The following MAP3K5 variants were observed in gnomAD, a reference collection of about 807,000 sequenced individuals.
MAP3K5 encodes the protein ASK-1.
Under a neutral mutation model 158.7 loss-of-function variants are expected in MAP3K5, and 56 were observed. The observed-to-expected ratio is 0.35, with a 90% confidence interval of 0.28 to 0.44. The LOEUF is 0.44. Ranked by LOEUF, MAP3K5 falls within the 20% of genes least tolerant of loss-of-function variation. The pLI, the probability that MAP3K5 is intolerant of heterozygous loss-of-function variation, is 1.00. For missense variants in MAP3K5, 1,294 were observed against 1,674.8 expected, an observed-to-expected ratio of 0.77 and a Z score of 3.97; for synonymous variants, 579 against 601.7, an observed-to-expected ratio of 0.96 and a Z score of 0.55.
At chr6:136,587,622 C>T (rs1775196278) in intron 23 of MAP3K5, among the ~76,000 whole-genome samples, 1 of 152,140 alleles carries the variant, frequency 6.6e-6, no homozygotes, top group South Asian at 2.1e-4. Context: ...TGGGTCAGGA[C>T]CTGTTCTACC....
At chr6:136,643,869 T>C (rs138913608) in intron 11 of MAP3K5, among the ~76,000 whole-genome samples, 86 of 152,222 alleles carry the variant, frequency 5.6e-4, no homozygotes, top group African/African-American at 1.9e-3. Flanking sequence ...GAAAGTTGCT[T>C]CTAAATCCTG....
intron 7 of MAP3K5, among the ~76,000 whole-genome samples, chr6:136,675,459 T>C (rs965346921): frequency 6.6e-6 from 1 of 152,058 alleles, no homozygotes; most frequent in East Asian, 1.9e-4. Flanking sequence ...CTCACCATAA[T>C]ATAATTAAAC....
intron 1 of MAP3K5, among the ~76,000 whole-genome samples, chr6:136,780,578 T>C (rs1248006778): frequency 6.6e-6 from 1 of 152,234 alleles, no homozygotes; most frequent in Non-Finnish European, 1.5e-5. Flanking sequence ...CATTGTAATG[T>C]GGCGCTTCCT....
At chr6:136,598,361 C>T (rs1775723127) in intron 21 of MAP3K5, among the ~76,000 whole-genome samples, 1 of 152,230 alleles carries the variant, frequency 6.6e-6, no homozygotes, top group Non-Finnish European at 1.5e-5. Context: ...GTCACTGTCT[C>T]TCCCTTTTGA....
At chr6:136,562,354 AT>A (rs11322947) in intron 27 of MAP3K5, 148 bp downstream of exon 27, 13,464 of 348,980 alleles carry the variant, frequency 0.039, 10 homozygotes, top group Non-Finnish European at 0.047. Context: ...TAAAAACTGG[AT>A]TTTTTTTTTT....
chr6:136,753,536 T>C (rs1049687864), intron 1 of MAP3K5, among the ~76,000 whole-genome samples: 3 of 152,106 alleles, frequency 2.0e-5, no homozygotes, highest in Admixed American at 6.6e-5. Context: ...CAGAAAGCAT[T>C]TTGATAATCT....
chr6:136,707,507 A>C (rs571299927), intron 2 of MAP3K5, among the ~76,000 whole-genome samples: 1 of 151,776 alleles, frequency 6.6e-6, no homozygotes, highest in Non-Finnish European at 1.5e-5. Context: ...AGGGAGCTAA[A>C]GAAGACAGTT....
At chr6:136,637,789 C>T (rs147548158) in intron 13 of MAP3K5, among the ~76,000 whole-genome samples, 1,892 of 152,118 alleles carry the variant, frequency 0.012, 43 homozygotes, top group African/African-American at 0.043. Context: ...GACATAAAGC[C>T]GGGAAGCACT....
intron 9 of MAP3K5, among the ~76,000 whole-genome samples, chr6:136,658,468 T>A (rs1778863994): frequency 6.6e-6 from 1 of 151,694 alleles, no homozygotes; most frequent in South Asian, 2.1e-4. Context: ...GCACCCGCGA[T>A]CATGCCCAGC....
At chr6:136,789,019 T>TAAAACC (rs1444727719) in intron 1 of MAP3K5, among the ~76,000 whole-genome samples, 68 of 152,342 alleles carry the variant, frequency 4.5e-4, no homozygotes, top group African/African-American at 1.6e-3. Context: ...GATGGGAGGC[T>TAAAACC]GGGTGCGGTG....
chr6:136,686,583 T>C (rs1276798241), intron 7 of MAP3K5, among the ~76,000 whole-genome samples: 1 of 152,124 alleles, frequency 6.6e-6, no homozygotes, highest in Non-Finnish European at 1.5e-5. Context: ...AGTCTCAGGA[T>C]ACAAAATCAA....
At chr6:136,678,978 G>T (rs1278394569) in intron 7 of MAP3K5, among the ~76,000 whole-genome samples, 1 of 151,772 alleles carries the variant, frequency 6.6e-6, no homozygotes, top group Non-Finnish European at 1.5e-5. Context: ...CACATGCCTC[G>T]GCCTCCCGAA....
At chr6:136,744,497 C>T (rs1416945773) in intron 1 of MAP3K5, among the ~76,000 whole-genome samples, 1 of 152,088 alleles carries the variant, frequency 6.6e-6, no homozygotes, top group Non-Finnish European at 1.5e-5. Context: ...AAAGAACTCC[C>T]ACAGATATCT....
At chr6:136,722,203 T>A (rs933513072) in intron 1 of MAP3K5, among the ~76,000 whole-genome samples, 1 of 152,232 alleles carries the variant, frequency 6.6e-6, no homozygotes, top group Non-Finnish European at 1.5e-5. Flanking sequence ...TAGTAAGGCA[T>A]CAAGATGCAA....
At chr6:136,728,500 G>C (rs572260080) in intron 1 of MAP3K5, among the ~76,000 whole-genome samples, 7 of 152,276 alleles carry the variant, frequency 4.6e-5, no homozygotes, top group African/African-American at 1.7e-4. Context: ...TCAAGGTCTT[G>C]AACTGGTCAC....
intron 1 of MAP3K5, among the ~76,000 whole-genome samples, chr6:136,745,671 A>T (rs115617227): frequency 6.6e-6 from 1 of 152,192 alleles, no homozygotes; most frequent in Admixed American, 6.5e-5. Context: ...GTTTTTCTGC[A>T]GGCATTCTGC....
intron 21 of MAP3K5, among the ~76,000 whole-genome samples, chr6:136,600,077 G>A (rs748039551): frequency 5.9e-5 from 9 of 152,130 alleles, no homozygotes; most frequent in Non-Finnish European, 1.2e-4. Context: ...AGAGGAACCT[G>A]CAAAAACCTG....
intron 21 of MAP3K5, among the ~76,000 whole-genome samples, chr6:136,597,996 A>G (rs775093534): frequency 6.6e-6 from 1 of 152,250 alleles, no homozygotes; most frequent in Non-Finnish European, 1.5e-5. Context: ...CTCTTACTGT[A>G]GAATCATAGG....
chr6:136,745,800 A>G (rs1208980134), intron 1 of MAP3K5, among the ~76,000 whole-genome samples: 1 of 152,232 alleles, frequency 6.6e-6, no homozygotes, highest in East Asian at 1.9e-4. Context: ...CAATAAAGGC[A>G]TAGATAATGT....
Sources: allele counts gnomAD v4.1 joint callset (sites outside exome capture counted in the v4.1 genomes callset), GRCh38; gene constraint gnomAD v4.1.1; transcripts MANE v1.5; gene names NCBI Gene and HGNC (gene_info 2026-07-23, HGNC 2026-07-21).